Variants in CCDC25 observed in about 807,000 individuals in gnomAD.
CCDC25 encodes the protein coiled-coil domain containing 25.
In CCDC25, 16 loss-of-function variants were observed where a neutral mutation model predicts 35.3. The observed-to-expected ratio is 0.45, with a 90% CI of 0.31 to 0.69. The LOEUF is 0.69. CCDC25 is among the 30% of genes least tolerant of loss of function. The pLI is 0.06. For missense variants in CCDC25, 179 were observed against 250.7 expected (o/e 0.71, Z 1.93); for synonymous variants, 79 against 80.3 (o/e 0.98, Z 0.09).
chr8:27,734,296 G>T lies in CCDC25; in HGVS notation c.*1920C>A, dbSNP rs1236243385. On this transcript the variant is annotated 3_prime_UTR_variant, in exon 9 of 9. Coordinates refer to ENST00000356537, the MANE Select transcript of CCDC25 (RefSeq NM_018246.3). ...TAAACATGCCCCTCGCCTGCATGCT[G>T]ATCAGAGTGTTGAAACTGAAGACGA... The T allele has an allele frequency of 6.6e-6, 1 of 152,186 alleles. No individual in the cohort carries two copies. Among genetic ancestry groups the T allele is most frequent in the Non-Finnish European group, 1.5e-5 (1 of 68,028 alleles). The allele number at this position is 152,186 out of a possible 1,614,324, so 9.4% of individuals were successfully genotyped here.
At chr8:27,744,764 G>A (rs1171787989) in intron 7 of CCDC25, among the ~76,000 whole-genome samples, 1 of 152,200 alleles carries the variant, frequency 6.6e-6, no homozygotes, top group African/African-American at 2.4e-5. Context: ...AAGGAAGCAC[G>A]ATAGACTATT....
At chr8:27,761,344 T>C (rs1275357876) in intron 3 of CCDC25, among the ~76,000 whole-genome samples, 3 of 152,172 alleles carry the variant, frequency 2.0e-5, no homozygotes, top group South Asian at 2.1e-4. Context: ...CCAGAGCCAG[T>C]AGCAGACAGA....
intron 1 of CCDC25, chr8:27,772,123 G>T: frequency 4.1e-6 from 1 of 245,550 alleles, no homozygotes; most frequent in Non-Finnish European, 7.9e-6. Context: ...CTTTCTCACA[G>T]GGGATAATTA....
At chr8:27,747,221 T>C (rs1334929926) in intron 7 of CCDC25, among the ~76,000 whole-genome samples, 1 of 152,178 alleles carries the variant, frequency 6.6e-6, no homozygotes, top group Non-Finnish European at 1.5e-5. Flanking sequence ...GTTAGGACCT[T>C]AAAATGGAGA....
At chr8:27,759,776 T>G (rs1804156247) in intron 3 of CCDC25, among the ~76,000 whole-genome samples, 1 of 7,736 alleles carries the variant, frequency 1.3e-4, no homozygotes, top group African/African-American at 5.3e-4. Context: ...CAAGACTCTG[T>G]CTCAAAAAAA....
intron 2 of CCDC25, among the ~76,000 whole-genome samples, 193 bp downstream of exon 2, chr8:27,765,011 A>C (rs961990295): frequency 2.2e-4 from 33 of 152,202 alleles, no homozygotes; most frequent in Non-Finnish European, 4.4e-5. Context: ...TGATAGTTAA[A>C]GCATTTTTCT....
chr8:27,752,573 T>G lies in CCDC25; in HGVS notation c.183A>C (p.Glu61Asp). 1 of 1,613,328 alleles carries G rather than the reference T, an allele frequency of 6.2e-7. No individual in the cohort carries two copies. The highest frequency in any genetic ancestry group is 8.5e-7 in the Non-Finnish European group (1 of 1,179,426). Residue 61 changes from glutamate (E) to aspartate (D), a missense_variant, in exon 5 of 9, where the codon GAA (glutamate) becomes GAC (aspartate). Physicochemically the swap from Glu to Asp is conservative, Grantham distance 45. Transcript: ENST00000356537. ...YLRLHKGENI[E>D]DIPKEVLMDC... ...CCATCAGCACTTCCTTTGGGATGTC[T>G]TCTATATTCTCTCCCTGAAACACAA...
chr8:27,769,237 T>C (rs1160398354), intron 1 of CCDC25, among the ~76,000 whole-genome samples: 2 of 152,254 alleles, frequency 1.3e-5, no homozygotes, highest in Non-Finnish European at 1.5e-5. Context: ...CAAGTGCACT[T>C]TTATTAGGCT....
intron 1 of CCDC25, among the ~76,000 whole-genome samples, chr8:27,769,710 T>C (rs555078902): frequency 1.2e-4 from 18 of 152,130 alleles, no homozygotes; most frequent in Admixed American, 2.0e-4. Context: ...CTGAGAAAAA[T>C]AAGGAGATGT....
In CCDC25 at chr8:27,762,437, C is replaced by G. The variant is rs767394354; in HGVS notation, c.98G>C (p.Gly33Ala). The G allele has an allele frequency of 6.2e-7, 1 of 1,613,234 alleles. No homozygotes were observed. The highest frequency in any genetic ancestry group is 8.5e-7 in the Non-Finnish European group (1 of 1,179,714). Residue 33 changes from glycine to alanine, a missense_variant, in exon 3 of 9, where the codon GGC becomes GCC. Gly to Ala is a moderately conservative substitution (Grantham distance 60, BLOSUM62 0). Coordinates refer to ENST00000356537, the MANE Select transcript of CCDC25 (RefSeq NM_018246.3). ...KYENEDLIKH[G>A]WPEDIWFHVD... is the part of the protein sequence containing the mutation. ...TACTTACCAGATATCTTCAGGCCAG[C>G]CATGCTTGATCAGATCTTCATCTGC...
At chr8:27,756,379 T>A (rs1446068322) in intron 4 of CCDC25, 4 of 186,584 alleles carry the variant, frequency 2.1e-5, no homozygotes, top group Admixed American at 6.1e-5. Flanking sequence ...GAGAATCACA[T>A]GAGCCACACA....
Position 27,740,042 on chromosome 8 carries a change from A to G in CCDC25, c.597+430T>C, listed in dbSNP as rs575939348. Among the ~76,000 whole-genome samples the G allele has an allele frequency of 5.3e-5, 8 of 152,334 alleles. No homozygotes were observed. In the East Asian group the frequency reaches 7.7e-4, roughly 15 times the overall value. On this transcript the variant is annotated intron_variant, in intron 8 of 8. Coordinates refer to ENST00000356537, the MANE Select transcript of CCDC25 (RefSeq NM_018246.3). ...TGTCACTTAGGCTTCACTGAGTCAC[A>G]TAAGATCTTAGGGTAAGTTATTTTA...
chr8:27,738,608 GT>G (rs1803334297), intron 8 of CCDC25, among the ~76,000 whole-genome samples: 1 of 151,604 alleles, frequency 6.6e-6, no homozygotes, highest in Admixed American at 6.6e-5. Flanking sequence ...GTAGGTGTGT[GT>G]GTGTGTGTGT....
chr8:27,746,339 T>A (rs769059829), intron 7 of CCDC25, among the ~76,000 whole-genome samples: 2 of 152,214 alleles, frequency 1.3e-5, no homozygotes, highest in African/African-American at 4.8e-5. Context: ...AAATCTACTA[T>A]GGCTATTGTT....
At chr8:27,759,507 GCTGAAGCAGCAGAACCA>G (rs1804138908) in intron 3 of CCDC25, among the ~76,000 whole-genome samples, 1 of 151,658 alleles carries the variant, frequency 6.6e-6, no homozygotes, top group Non-Finnish European at 1.5e-5. Flanking sequence ...TACTTGGGAG[GCTGAAGCAGCAGAACCA>G]CTTGAACCCG....
chr8:27,772,460 G>A (rs1804663055), intron 1 of CCDC25, 53 bp downstream of exon 1: 2 of 1,538,542 alleles, frequency 1.3e-6, no homozygotes, highest in Middle Eastern at 1.7e-4. Flanking sequence ...TGCGGGTCCC[G>A]GCTTCGGAGC....
intron 1 of CCDC25, among the ~76,000 whole-genome samples, chr8:27,765,542 T>C (rs1804371502): frequency 6.6e-6 from 1 of 152,114 alleles, no homozygotes; most frequent in African/African-American, 2.4e-5. Context: ...TTACCATCCT[T>C]ACTAATAGCT....
intron 3 of CCDC25, among the ~76,000 whole-genome samples, chr8:27,761,982 G>A (rs1205546843): frequency 6.6e-6 from 1 of 152,146 alleles, no homozygotes; most frequent in East Asian, 1.9e-4. Flanking sequence ...ACTCATCAGG[G>A]AGTTTAGAAG....
intron 4 of CCDC25, 33 bp from the exon 5 acceptor site, chr8:27,752,620 A>G: frequency 6.6e-7 from 1 of 1,524,144 alleles, no homozygotes; most frequent in South Asian, 1.1e-5. Flanking sequence ...TTGGTCCACT[A>G]CCTCATTATC....
Sources: gnomAD v4.1 joint callset for allele counts (sites outside exome capture counted in the v4.1 genomes callset) on GRCh38, gnomAD v4.1.1 for gene constraint, MANE v1.5 for transcripts, NCBI Gene and HGNC (gene_info 2026-07-23, HGNC 2026-07-21) for gene names.